PLEKHM3: variants seen among roughly 807,000 people sequenced by gnomAD.
The protein encoded by PLEKHM3 is pleckstrin homology domain-containing family M member 3.
A neutral mutation model predicts 81.8 loss-of-function variants in PLEKHM3; 45 were observed. The observed-to-expected ratio is 0.55, with a 90% CI of 0.43 to 0.71. The LOEUF is 0.71. Ranked by LOEUF, PLEKHM3 falls within the 30% of genes least tolerant of loss-of-function variation. The pLI, the probability that PLEKHM3 is intolerant of heterozygous loss-of-function variation, is 0.00. For synonymous variants in PLEKHM3, 352 were observed against 356.4 expected (o/e 0.99, Z 0.14); for missense variants, 788 against 924.3 (o/e 0.85, Z 1.91).
At chr2:207,883,535 G>A (rs1193716445) in intron 6 of PLEKHM3, among the ~76,000 whole-genome samples, 1 of 152,196 alleles carries the variant, frequency 6.6e-6, no homozygotes, top group Non-Finnish European at 1.5e-5. Flanking sequence ...AGCACTGAAA[G>A]TGTTTAAACA....
At chr2:207,830,974 T>C (rs1230746694) in intron 7 of PLEKHM3, among the ~76,000 whole-genome samples, 1 of 152,240 alleles carries the variant, frequency 6.6e-6, no homozygotes, top group Admixed American at 6.5e-5. Context: ...ACGTCGCCTT[T>C]CTGAGCTTCC....
At chr2:208,024,347 T>C (rs1016542755) in intron 1 of PLEKHM3, among the ~76,000 whole-genome samples, 1 of 152,150 alleles carries the variant, frequency 6.6e-6, no homozygotes, top group African/African-American at 2.4e-5. Flanking sequence ...CTATAAACCA[T>C]GACATTGTAA....
intron 3 of PLEKHM3, among the ~76,000 whole-genome samples, chr2:207,962,755 C>G (rs1333655983): frequency 6.6e-6 from 1 of 152,030 alleles, no homozygotes; most frequent in Admixed American, 6.5e-5. Context: ...TGCAAATAAA[C>G]CGTGCAAATA....
chr2:207,860,171 G>C, intron 7 of PLEKHM3, among the ~76,000 whole-genome samples: 1 of 147,990 alleles, frequency 6.8e-6, no homozygotes, highest in Admixed American at 6.7e-5. Context: ...GTGTGTGTGT[G>C]TGTGTGTGTG....
intron 7 of PLEKHM3, among the ~76,000 whole-genome samples, chr2:207,835,309 G>A (rs1215612729): frequency 5.3e-5 from 8 of 152,204 alleles, no homozygotes; most frequent in Admixed American, 5.2e-4. Context: ...ACTACAGAGA[G>A]TAGACCTCAG....
chr2:207,894,091 G>A lies in PLEKHM3; in HGVS notation c.1950+14423C>T, dbSNP rs115694972. Among the ~76,000 whole-genome samples the A allele has an allele frequency of 6.2e-3, 951 of 152,246 alleles. 4 individuals carry two copies. Among genetic ancestry groups the A allele is most frequent in the African/African-American group, 0.022 (914 of 41,544 alleles). On this transcript the variant is annotated intron_variant, in intron 6 of 7. Transcript: ENST00000427836. The stretch of plus-strand genomic sequence containing the variant: ...GGGATCATGCACTACATTCCAGCCT[G>A]GGTGACAGAGAGAGTCCTGGTCTTA...
chr2:207,936,138 C>A (rs1689743224), intron 4 of PLEKHM3, among the ~76,000 whole-genome samples: 1 of 152,186 alleles, frequency 6.6e-6, no homozygotes, highest in African/African-American at 2.4e-5. Flanking sequence ...GTGTGCATGA[C>A]ACAAGGCCTG....
rs531559664 is a variant in PLEKHM3, at chr2:207,822,633, C to G, written c.*5686G>C. On this transcript the variant is annotated 3_prime_UTR_variant, in exon 8 of 8. Coordinates refer to ENST00000427836, the MANE Select transcript of PLEKHM3 (RefSeq NM_001080475.3). ...TTAACGACGTGTTTCCGACATGATT[C>G]CCTTTACTCCTGAGGTTAAGGCACA... 60 of 152,738 alleles carry G rather than the reference C, an allele frequency of 3.9e-4. No individual in the cohort carries two copies. Among genetic ancestry groups the G allele is most frequent in the Admixed American group, 3.5e-3 (54 of 15,308 alleles). 9.5% of individuals were successfully genotyped at this position (152,738 alleles called of 1,614,324 possible).
At chr2:207,980,039 C>G (rs570923435) in intron 2 of PLEKHM3, among the ~76,000 whole-genome samples, 2 of 152,304 alleles carry the variant, frequency 1.3e-5, no homozygotes, top group African/African-American at 4.8e-5. Flanking sequence ...CTCTCCTGAT[C>G]TCATTTCCAT....
chr2:207,983,276 C>T (rs1301001391), intron 2 of PLEKHM3, among the ~76,000 whole-genome samples: 1 of 152,038 alleles, frequency 6.6e-6, no homozygotes, highest in Non-Finnish European at 1.5e-5. Flanking sequence ...TGGTCTCAAT[C>T]TCCTGACCTT....
intron 3 of PLEKHM3, among the ~76,000 whole-genome samples, chr2:207,957,998 C>T (rs769448966): frequency 1.3e-5 from 2 of 152,120 alleles, no homozygotes; most frequent in Non-Finnish European, 2.9e-5. Context: ...CATCCCTCCA[C>T]AACAAAGAGG....
intron 1 of PLEKHM3, among the ~76,000 whole-genome samples, chr2:208,008,695 C>G (rs1192016666): frequency 3.9e-5 from 6 of 152,190 alleles, no homozygotes; most frequent in African/African-American, 1.4e-4. Flanking sequence ...TAACCAGCCC[C>G]TCCTTAAAAG....
chr2:207,834,069 C>A (rs192117636), intron 7 of PLEKHM3, among the ~76,000 whole-genome samples: 3 of 152,074 alleles, frequency 2.0e-5, no homozygotes, highest in Admixed American at 1.3e-4. Flanking sequence ...AAGTCAATAT[C>A]AGTGACGCAA....
intron 4 of PLEKHM3, among the ~76,000 whole-genome samples, chr2:207,931,443 A>C (rs1167575498): frequency 6.6e-6 from 1 of 152,112 alleles, no homozygotes. Context: ...TTTGTTTTTG[A>C]TATTGGACCT....
At chr2:207,955,623 T>G (rs890643576) in intron 3 of PLEKHM3, among the ~76,000 whole-genome samples, 5 of 152,170 alleles carry the variant, frequency 3.3e-5, no homozygotes, top group African/African-American at 1.2e-4. Flanking sequence ...AATAAGAAAC[T>G]GAGGCAGAAG....
At chr2:207,888,378 C>CAT (rs753134118) in intron 6 of PLEKHM3, among the ~76,000 whole-genome samples, 1 of 149,330 alleles carries the variant, frequency 6.7e-6, no homozygotes, top group Non-Finnish European at 1.5e-5. Flanking sequence ...CACACACACA[C>CAT]TTGGATAATT....
At chr2:207,989,666 A>T (rs1384125706) in intron 2 of PLEKHM3, among the ~76,000 whole-genome samples, 2 of 152,116 alleles carry the variant, frequency 1.3e-5, no homozygotes, top group Non-Finnish European at 2.9e-5. Flanking sequence ...TCCACCTACC[A>T]ATCATTCCAT....
chr2:207,963,518 G>GGAAA (rs1690809349), intron 3 of PLEKHM3, among the ~76,000 whole-genome samples: 1 of 152,144 alleles, frequency 6.6e-6, no homozygotes, highest in African/African-American at 2.4e-5. Context: ...AATGAAAGCA[G>GGAAA]GAAAACTGGT....
At chr2:207,923,905 A>ATAT (rs1396762429) in intron 5 of PLEKHM3, among the ~76,000 whole-genome samples, 3 of 28,350 alleles carry the variant, frequency 1.1e-4, no homozygotes, top group African/African-American at 2.5e-4. Flanking sequence ...ATATATATAT[A>ATAT]TTTTTTTTTT....
Sources: gnomAD v4.1 joint callset for allele counts (sites outside exome capture counted in the v4.1 genomes callset) on GRCh38, gnomAD v4.1.1 for gene constraint, MANE v1.5 for transcripts, NCBI Gene and HGNC (gene_info 2026-07-23, HGNC 2026-07-21) for gene names.